Variants in SRGAP1 observed in about 807,000 individuals in gnomAD.
The protein encoded by SRGAP1 is SLIT-ROBO Rho GTPase activating protein 1.
Under a neutral mutation model 121.9 loss-of-function variants are expected in SRGAP1, and 43 were observed. That is an observed-to-expected ratio of 0.35 (90% CI 0.28 to 0.46). The LOEUF is 0.46. SRGAP1 is among the 20% of genes least tolerant of loss of function. The probability of loss-of-function intolerance (pLI) is 1.00; values close to 1 mark genes in which losing one functional copy is unlikely to be tolerated. For synonymous variants in SRGAP1, 447 were observed against 485.4 expected (o/e 0.92, Z 1.04); for missense variants, 1,102 against 1,350.9 (o/e 0.82, Z 2.89).
At chr12:64,060,474 C>T (rs1419373496) in intron 6 of SRGAP1, among the ~76,000 whole-genome samples, 2 of 152,138 alleles carry the variant, frequency 1.3e-5, no homozygotes, top group Non-Finnish European at 1.5e-5. Flanking sequence ...CCTTGAAGTG[C>T]TGGGATTACA....
At chr12:64,109,109 C>T (rs1592329642) in intron 16 of SRGAP1, 72 bp downstream of exon 16, 9 of 995,028 alleles carry the variant, frequency 9.0e-6, no homozygotes, top group East Asian at 2.7e-5. Flanking sequence ...GTAAAATGTA[C>T]GTTGGGTTCC....
At chr12:64,085,807 AGAG>A (rs1244728505) in intron 10 of SRGAP1, among the ~76,000 whole-genome samples, 2 of 152,206 alleles carry the variant, frequency 1.3e-5, no homozygotes, top group African/African-American at 4.8e-5. Flanking sequence ...AAGAGGAGGA[AGAG>A]GAGATTCTTC....
intron 1 of SRGAP1, among the ~76,000 whole-genome samples, chr12:63,885,645 C>T (rs1273987652): frequency 2.0e-5 from 3 of 152,250 alleles, no homozygotes; most frequent in Admixed American, 6.5e-5. Flanking sequence ...GCAAGACCCT[C>T]TCAGGAATGA....
At chr12:63,886,638 A>AT (rs143245063) in intron 1 of SRGAP1, among the ~76,000 whole-genome samples, 13,072 of 151,252 alleles carry the variant, frequency 0.086, 665 homozygotes, top group East Asian at 0.14. Context: ...CGCCCAGCTA[A>AT]TTTTTTTATT....
intron 6 of SRGAP1, among the ~76,000 whole-genome samples, chr12:64,055,692 G>C (rs1415003561): frequency 2.0e-5 from 3 of 152,130 alleles, no homozygotes; most frequent in Non-Finnish European, 2.9e-5. Flanking sequence ...GGCTTTTAAA[G>C]TTCTTTTCAG....
intron 1 of SRGAP1, among the ~76,000 whole-genome samples, chr12:63,864,686 CAAT>C (rs2136270394): frequency 6.6e-6 from 1 of 152,112 alleles, no homozygotes; most frequent in Non-Finnish European, 1.5e-5. Context: ...GCCCTGAAAG[CAAT>C]AATAATAAAT....
Position 64,142,810 on chromosome 12 carries a change from T to A in SRGAP1, c.*138T>A. On this transcript the variant is annotated 3_prime_UTR_variant, in exon 22 of 22. Transcript: ENST00000355086. ...TTTGGCTTTTCTATGTTGTCGAATG[T>A]AATGTCTGAGACTAGCTAAATTAAC... 1.7e-6 allele frequency: 2 copies of A among 1,209,364 alleles called. No individual in the cohort carries two copies. The highest frequency in any genetic ancestry group is 1.1e-6 in the Non-Finnish European group (1 of 875,950). 74.9% of individuals were successfully genotyped at this position (1,209,364 alleles called of 1,614,324 possible).
intron 1 of SRGAP1, among the ~76,000 whole-genome samples, chr12:63,938,359 G>A (rs1036781307): frequency 3.3e-5 from 5 of 152,150 alleles, no homozygotes; most frequent in Admixed American, 2.0e-4. Flanking sequence ...GCCCTGGTTC[G>A]GGGTGGAGTC....
At chr12:63,858,312 C>T (rs73315310) in intron 1 of SRGAP1, among the ~76,000 whole-genome samples, 8,257 of 150,556 alleles carry the variant, frequency 0.055, 517 homozygotes, top group East Asian at 0.17. Flanking sequence ...TTAATAATGT[C>T]GCTGTCTATG....
At chr12:63,968,909 A>G (rs2032858054) in intron 1 of SRGAP1, among the ~76,000 whole-genome samples, 1 of 152,166 alleles carries the variant, frequency 6.6e-6, no homozygotes, top group African/African-American at 2.4e-5. Flanking sequence ...CAGAGGCTCA[A>G]TGCCATCCAT....
At chr12:63,846,263 C>T (rs1161467857) in intron 1 of SRGAP1, among the ~76,000 whole-genome samples, 2 of 152,150 alleles carry the variant, frequency 1.3e-5, no homozygotes, top group African/African-American at 4.8e-5. Context: ...TTTCTTAGAG[C>T]CAGGTAAACT....
chr12:64,142,753 T>C lies in SRGAP1; in HGVS notation c.*81T>C. 1 of 1,517,734 alleles carries C rather than the reference T, an allele frequency of 6.6e-7. No individual in the cohort carries two copies. Among genetic ancestry groups the C allele is most frequent in the South Asian group, 1.3e-5 (1 of 75,074 alleles). The allele number at this position is 1,517,734 out of a possible 1,614,324, so 94.0% of individuals were successfully genotyped here. A position where few individuals can be genotyped will look rare whatever the true frequency, so the allele number is the denominator to read the frequency against. Reference sequence around the variant, plus strand: ...TGACAAAAGTCACTGATCCATAACTTTCCTTAGTTTTGTGCTTATAACTGG... The same window carrying C: ...TGACAAAAGTCACTGATCCATAACTCTCCTTAGTTTTGTGCTTATAACTGG... On this transcript the variant is annotated 3_prime_UTR_variant, in exon 22 of 22. Transcript: ENST00000355086.
intron 1 of SRGAP1, among the ~76,000 whole-genome samples, chr12:63,859,820 T>C (rs1238993097): frequency 6.6e-6 from 1 of 152,206 alleles, no homozygotes; most frequent in Non-Finnish European, 1.5e-5. Flanking sequence ...TCTTCTAATG[T>C]AAGCGTTAAC....
chr12:63,870,784 G>A (rs964257659), intron 1 of SRGAP1, among the ~76,000 whole-genome samples: 2 of 151,928 alleles, frequency 1.3e-5, no homozygotes, highest in South Asian at 2.1e-4. Context: ...CAAGAAATCC[G>A]CCTGCCTCAC....
Position 64,144,754 on chromosome 12 carries a change from A to G in SRGAP1, c.*2082A>G, listed in dbSNP as rs1221568777. 1.3e-5 allele frequency: 2 copies of G among 151,268 alleles called. No homozygotes were observed. Among genetic ancestry groups the G allele is most frequent in the African/African-American group, 4.9e-5 (2 of 41,028 alleles). The allele number at this position is 151,268 out of a possible 1,614,324, so 9.4% of individuals were successfully genotyped here. ...TGGACACCGTGGAGATCCAGCCAAG[A>G]CTGAGCTTTGAATAGCACTAGCCCT... is the stretch of plus-strand genomic sequence containing the variant. On this transcript the variant is annotated 3_prime_UTR_variant, in exon 22 of 22. Coordinates refer to ENST00000355086, the MANE Select transcript of SRGAP1 (RefSeq NM_020762.4).
At chr12:63,906,447 T>A (rs2030213558) in intron 1 of SRGAP1, among the ~76,000 whole-genome samples, 1 of 152,030 alleles carries the variant, frequency 6.6e-6, no homozygotes, top group African/African-American at 2.4e-5. Flanking sequence ...CCCGAGTAGC[T>A]GGGACTACAG....
At chr12:63,902,857 C>G (rs1020809903) in intron 1 of SRGAP1, among the ~76,000 whole-genome samples, 1 of 152,158 alleles carries the variant, frequency 6.6e-6, no homozygotes, top group Non-Finnish European at 1.5e-5. Context: ...TTTGTTTTCT[C>G]TGGATTCTGT....
intron 6 of SRGAP1, among the ~76,000 whole-genome samples, chr12:64,044,090 T>A (rs2136507918): frequency 6.6e-6 from 1 of 152,330 alleles, no homozygotes; most frequent in South Asian, 2.1e-4. Flanking sequence ...CATTTACAGA[T>A]GTAACTAAGT....
intron 3 of SRGAP1, among the ~76,000 whole-genome samples, chr12:63,997,187 TA>T (rs112435916): frequency 1.3e-5 from 2 of 151,864 alleles, no homozygotes; most frequent in African/African-American, 2.4e-5. Context: ...GTATGCAAGA[TA>T]AAAAAAATGA....
Sources: allele counts gnomAD v4.1 joint callset (sites outside exome capture counted in the v4.1 genomes callset), GRCh38; gene constraint gnomAD v4.1.1; transcripts MANE v1.5; gene names NCBI Gene and HGNC (gene_info 2026-07-23, HGNC 2026-07-21).